ELAPOR1: variants seen among roughly 807,000 people sequenced by gnomAD.
ELAPOR1 encodes the protein endosome/lysosome-associated apoptosis and autophagy regulator 1.
A neutral mutation model predicts 119.7 loss-of-function variants in ELAPOR1; 77 were observed. The ratio of observed to expected loss-of-function variants is 0.64; its 90% CI spans 0.54 to 0.78. The LOEUF (loss-of-function observed/expected upper bound fraction) is 0.78. ELAPOR1 is among the 30% of genes least tolerant of loss of function. The pLI is 0.00. For synonymous variants in ELAPOR1, 481 were observed against 487.2 expected, an observed-to-expected ratio of 0.99 and a Z score of 0.17; for missense variants, 1,115 against 1,270.4, an observed-to-expected ratio of 0.88 and a Z score of 1.86.
intron 1 of ELAPOR1, among the ~76,000 whole-genome samples, chr1:109,136,846 T>G (rs979649931): frequency 6.6e-5 from 10 of 152,208 alleles, no homozygotes; most frequent in African/African-American, 2.4e-4. Flanking sequence ...TTTAGACGTT[T>G]AAGTCACAGA....
At chr1:109,134,315 G>C (rs1331383989) in intron 1 of ELAPOR1, among the ~76,000 whole-genome samples, 1 of 152,022 alleles carries the variant, frequency 6.6e-6, no homozygotes, top group East Asian at 1.9e-4. Flanking sequence ...CATAGCTTTG[G>C]GTGTTTTCAG....
intron 1 of ELAPOR1, among the ~76,000 whole-genome samples, chr1:109,119,308 C>A (rs1321158268): frequency 6.6e-6 from 1 of 151,720 alleles, no homozygotes; most frequent in African/African-American, 2.4e-5. Context: ...GCCATCCTCC[C>A]ATCTCAGTTG....
rs115543563 is a variant in ELAPOR1 at position 109,164,471 on chromosome 1, C to T, written c.275-28C>T. 1,124 of 1,586,730 alleles carry T rather than the reference C, an allele frequency of 7.1e-4. 10 individuals are homozygous for T. In the African/African-American group the frequency reaches 0.013, roughly 19 times the overall value. ...TCTGGGGCTGCAGTGACCTCACTGC[C>T]CCACCTTGTCTCTGCCCTGTTTTCC... On this transcript the variant is annotated intron_variant, in intron 2 of 21. Transcript: ENST00000369939.
intron 1 of ELAPOR1, among the ~76,000 whole-genome samples, chr1:109,158,891 CT>C (rs543781555): frequency 0.033 from 4,227 of 128,706 alleles, 99 homozygotes; most frequent in African/African-American, 0.073. Context: ...AAGCTTATGT[CT>C]TTTTTTTTTT....
chr1:109,139,078 C>T (rs1296232121), intron 1 of ELAPOR1, among the ~76,000 whole-genome samples: 6 of 152,062 alleles, frequency 3.9e-5, no homozygotes, highest in African/African-American at 1.4e-4. Context: ...TGGCTGGGCG[C>T]GGTGGCTCAT....
intron 18 of ELAPOR1, among the ~76,000 whole-genome samples, chr1:109,199,482 C>T (rs796143303): frequency 6.6e-6 from 1 of 152,316 alleles, no homozygotes; most frequent in African/African-American, 2.4e-5. Context: ...CAACTCCAAT[C>T]CCACCCCGAG....
At chr1:109,200,307 G>C (rs947468424) in intron 20 of ELAPOR1, 70 bp downstream of exon 20, 3 of 1,547,248 alleles carry the variant, frequency 1.9e-6, no homozygotes, top group Non-Finnish European at 1.8e-6. Flanking sequence ...ATATCTGAAA[G>C]TATAAATTAA....
chr1:109,125,264 T>C (rs1648696783), intron 1 of ELAPOR1, among the ~76,000 whole-genome samples: 1 of 150,686 alleles, frequency 6.6e-6, no homozygotes, highest in African/African-American at 2.4e-5. Context: ...AGATGGAATT[T>C]CCCTATATGT....
intron 1 of ELAPOR1, among the ~76,000 whole-genome samples, chr1:109,160,286 G>C (rs941731323): frequency 7.3e-5 from 11 of 150,298 alleles, no homozygotes; most frequent in African/African-American, 2.7e-4. Flanking sequence ...CAGCCTGGGT[G>C]ACAGAGCAAG....
chr1:109,201,106 C>A (rs1049976049), intron 21 of ELAPOR1, among the ~76,000 whole-genome samples: 2 of 152,232 alleles, frequency 1.3e-5, no homozygotes, highest in African/African-American at 4.8e-5. Flanking sequence ...CAAGGCTGCT[C>A]TTGATCAGGC....
At chr1:109,115,411 A>AAT (rs934113910) in intron 1 of ELAPOR1, among the ~76,000 whole-genome samples, 3 of 152,194 alleles carry the variant, frequency 2.0e-5, no homozygotes, top group Non-Finnish European at 2.9e-5. Flanking sequence ...GAGAGGTTAG[A>AAT]ATATATATAT....
chr1:109,192,451 G>A (rs908044681), intron 13 of ELAPOR1, among the ~76,000 whole-genome samples, 160 bp from the exon 14 acceptor site: 5 of 152,008 alleles, frequency 3.3e-5, no homozygotes, highest in East Asian at 1.9e-4. Context: ...AAATGCACAC[G>A]AAGAGCTACT....
At chr1:109,189,793 T>TC (rs1653312610) in intron 11 of ELAPOR1, 111 bp downstream of exon 11, 2 of 793,846 alleles carry the variant, frequency 2.5e-6, no homozygotes, top group Admixed American at 4.2e-5. Context: ...TTCATTTCAT[T>TC]TCAAATGTCA....
At chr1:109,182,728 A>G (rs1028349777) in intron 7 of ELAPOR1, among the ~76,000 whole-genome samples, 6 of 151,940 alleles carry the variant, frequency 3.9e-5, no homozygotes, top group African/African-American at 7.3e-5. Context: ...TTAGCCAGGC[A>G]TGGTGGCGGG....
intron 21 of ELAPOR1, among the ~76,000 whole-genome samples, chr1:109,202,322 G>T (rs1312742495): frequency 1.3e-5 from 2 of 151,624 alleles, no homozygotes; most frequent in African/African-American, 4.9e-5. Flanking sequence ...GTTTCACCAT[G>T]TTGGCCAGGC....
chr1:109,199,922 C>A lies in ELAPOR1; in HGVS notation c.2570C>A (p.Pro857Gln). 1 of 1,614,020 alleles carries A rather than the reference C, an allele frequency of 6.2e-7. No individual in the cohort carries two copies. The highest frequency in any genetic ancestry group is 8.5e-7 in the Non-Finnish European group (1 of 1,180,034). The change falls in exon 19 of 22, where the codon CCG (proline) becomes CAG (glutamine). Residue 857 changes from proline to glutamine, a missense_variant. Transcript: ENST00000369939. The stretch of plus-strand genomic sequence containing the variant: ...CTGTGGGAGAGCGCGGCTGCTTGCC[C>A]GCTCTGCTCAGTGGCTGACTACCAT... ...HFLWESAAAC[P>Q]LCSVADYHAI...
chr1:109,114,327 C>A lies in ELAPOR1; in HGVS notation c.144C>A (p.Ala48=). The change falls in exon 1 of 22, where the codon GCC becomes GCA. Residue 48 remains alanine (A), a synonymous_variant. Transcript: ENST00000369939. ...VTQGTGPELH[A]CKESEYHYEY... ...AGGGAACGGGACCGGAGCTTCATGC[C>A]TGCAAAGAGGTACTGCCGCCCCCCT... 6.3e-7 allele frequency: 1 copy of A among 1,591,176 alleles called. No individual in the cohort carries two copies. The highest frequency in any genetic ancestry group is 8.6e-7 in the Non-Finnish European group (1 of 1,168,972).
intron 8 of ELAPOR1, chr1:109,187,612 T>C (rs1215096242): frequency 1.0e-6 from 1 of 1,002,124 alleles, no homozygotes; most frequent in Non-Finnish European, 1.2e-6. Context: ...CTCCTGCGGG[T>C]CATCTCCACT....
In ELAPOR1 at chr1:109,161,186, T is replaced by C. The variant is rs143521170; in HGVS notation, c.154-708T>C. Among the ~76,000 whole-genome samples the C allele has an allele frequency of 8.9e-3, 1,349 of 151,674 alleles. 21 individuals are homozygous for C. The highest frequency in any genetic ancestry group is 0.031 in the African/African-American group (1,270 of 41,368). On this transcript the variant is annotated intron_variant, in intron 1 of 21. Transcript: ENST00000369939. ...CAGCATTTTGGGAGGCCAAGGCAGG[T>C]GGATCACAAAGTCAGGAGTTTGAGA...
Sources: allele counts gnomAD v4.1 joint callset (sites outside exome capture counted in the v4.1 genomes callset), GRCh38; gene constraint gnomAD v4.1.1; transcripts MANE v1.5; gene names NCBI Gene and HGNC (gene_info 2026-07-23, HGNC 2026-07-21).